SND1: variants seen among roughly 807,000 people sequenced by gnomAD.
SND1 encodes staphylococcal nuclease domain-containing protein 1.
SND1 carries 38 observed loss-of-function variants against 121.7 expected under a neutral mutation model. The observed-to-expected ratio is 0.31, with a 90% CI of 0.24 to 0.41. SND1 has a LOEUF of 0.41. Ranked by LOEUF, SND1 falls within the 10% of genes least tolerant of loss-of-function variation. The pLI is 1.00. For missense variants in SND1, 868 were observed against 1,184.6 expected (o/e 0.73, Z 3.92); for synonymous variants, 401 against 447.4 (o/e 0.90, Z 1.31).
chr7:127,795,547 T>C (rs115198854), intron 10 of SND1, among the ~76,000 whole-genome samples: 1 of 152,334 alleles, frequency 6.6e-6, no homozygotes, highest in African/African-American at 2.4e-5. Context: ...ATTATATGTG[T>C]TCTGTAAGGA....
At chr7:127,970,036 G>A (rs902931768) in intron 15 of SND1, among the ~76,000 whole-genome samples, 1 of 152,130 alleles carries the variant, frequency 6.6e-6, no homozygotes, top group Admixed American at 6.5e-5. Context: ...AGTCATTATT[G>A]TTATGTGAGT....
At chr7:127,842,543 A>C (rs1464301753) in intron 11 of SND1, among the ~76,000 whole-genome samples, 1 of 151,902 alleles carries the variant, frequency 6.6e-6, no homozygotes, top group Non-Finnish European at 1.5e-5. Flanking sequence ...TATCTCCCCT[A>C]CCTGCACACT....
intron 11 of SND1, among the ~76,000 whole-genome samples, chr7:127,839,376 C>G (rs1798924239): frequency 6.6e-6 from 1 of 152,148 alleles, no homozygotes; most frequent in South Asian, 2.1e-4. Flanking sequence ...CGTAACAGCT[C>G]TAGTTATATT....
chr7:128,092,308 G>T lies in SND1; in HGVS notation c.*250G>T. 1 of 483,392 alleles carries T rather than the reference G, an allele frequency of 2.1e-6. No homozygotes were observed. Among genetic ancestry groups the T allele is most frequent in the Non-Finnish European group, 3.7e-6 (1 of 273,238 alleles). 29.9% of individuals were successfully genotyped at this position (483,392 alleles called of 1,614,324 possible). ...CAGTCTCTGCCAGTTGGTTTTATTT[G>T]GAGGTTTGTGGGCTTTTTTTAAAAA... On this transcript the variant is annotated 3_prime_UTR_variant, in exon 24 of 24. Transcript: ENST00000354725. This position sits in a 1 kb window ranked among gnomAD's most constrained non-coding sequence, Gnocchi z 4.9.
intron 2 of SND1, among the ~76,000 whole-genome samples, chr7:127,691,404 C>T (rs554474567): frequency 2.2e-4 from 34 of 151,532 alleles, no homozygotes; most frequent in Admixed American, 9.8e-4. Flanking sequence ...ATTAACCGGG[C>T]GTGGTGGCAT....
At chr7:127,840,211 A>G (rs1315242833) in intron 11 of SND1, among the ~76,000 whole-genome samples, 6 of 152,214 alleles carry the variant, frequency 3.9e-5, no homozygotes, top group African/African-American at 1.4e-4. Flanking sequence ...AGAAAACAGT[A>G]TATAGTACCC....
chr7:127,941,996 C>A (rs1801222047), intron 15 of SND1, among the ~76,000 whole-genome samples: 1 of 148,568 alleles, frequency 6.7e-6, no homozygotes, highest in Admixed American at 6.8e-5. Context: ...TCAAAATAGG[C>A]ATATTGCGTA....
At position 127,795,965 on chromosome 7, in the gene SND1, G is replaced by C. The variant is rs931461419; in HGVS notation, c.1153-11519G>C. Among the ~76,000 whole-genome samples, 7 of 151,956 alleles carry C rather than the reference G, an allele frequency of 4.6e-5. No homozygotes were observed. The South Asian group carries it at 6.2e-4, about 14-fold the overall frequency. On this transcript the variant is annotated intron_variant, in intron 10 of 23. Transcript: ENST00000354725. The stretch of plus-strand genomic sequence containing the variant: ...CTCCGCCTCCCGGGTTCACGCCATT[G>C]TCCTGCCTCAGCCTCCCTAGTAGCT...
intron 14 of SND1, among the ~76,000 whole-genome samples, chr7:127,926,718 ATTT>A (rs202201479): frequency 0.043 from 3,062 of 71,854 alleles, 51 homozygotes; most frequent in Middle Eastern, 0.073. Flanking sequence ...ACACCCGGCT[ATTT>A]TGTTGTTGTT....
Position 127,809,596 on chromosome 7 carries a change from G to T in SND1, c.1242+2023G>T, listed in dbSNP as rs2116580259. ...GCAGCTGTTCAGCATGGCACATGGT[G>T]ATTAAGAGGCACCACGAGGGAGCAT... On this transcript the variant is annotated intron_variant, in intron 11 of 23. Coordinates refer to ENST00000354725, the MANE Select transcript of SND1 (RefSeq NM_014390.4). Among the ~76,000 whole-genome samples, 3 of 152,306 alleles carry T rather than the reference G, an allele frequency of 2.0e-5. No homozygotes were observed. The South Asian group carries it at 6.2e-4, about 32-fold the overall frequency.
intron 14 of SND1, among the ~76,000 whole-genome samples, chr7:127,926,718 ATTTTGTTGTTGT>A (rs1479747200): frequency 1.1e-4 from 8 of 72,126 alleles, no homozygotes; most frequent in African/African-American, 2.2e-4. Context: ...ACACCCGGCT[ATTTTGTTGTTGT>A]TGTTGTTGTT....
At chr7:127,875,634 A>G (rs1051214038) in intron 12 of SND1, among the ~76,000 whole-genome samples, 1 of 152,162 alleles carries the variant, frequency 6.6e-6, no homozygotes, top group Admixed American at 6.5e-5. Flanking sequence ...AAATGATTAC[A>G]TGTGGCAAGG....
intron 13 of SND1, among the ~76,000 whole-genome samples, chr7:127,897,608 T>C (rs117556463): frequency 3.0e-3 from 450 of 152,168 alleles, no homozygotes; most frequent in Non-Finnish European, 3.8e-3. Flanking sequence ...TTTGCCTTGG[T>C]AAAGGGAGAT....
chr7:127,665,529 A>G (rs1481838504), intron 1 of SND1, among the ~76,000 whole-genome samples: 1 of 152,188 alleles, frequency 6.6e-6, no homozygotes, highest in Non-Finnish European at 1.5e-5. Context: ...TTATTTCTAA[A>G]GGCAACTTAA....
chr7:128,008,866 A>AT (rs1803047005), intron 16 of SND1, among the ~76,000 whole-genome samples: 1 of 152,090 alleles, frequency 6.6e-6, no homozygotes, highest in South Asian at 2.1e-4. Context: ...ATTAACTCTG[A>AT]TTTTTTTCCC....
At chr7:127,688,339 G>C (rs1313824092) in intron 2 of SND1, among the ~76,000 whole-genome samples, 1 of 151,988 alleles carries the variant, frequency 6.6e-6, no homozygotes, top group Non-Finnish European at 1.5e-5. Flanking sequence ...ATTTGGCATT[G>C]TTTAGTCTTT....
chr7:127,994,576 AAAAAAAAAAC>A (rs1584723379), intron 16 of SND1, among the ~76,000 whole-genome samples: 1 of 148,458 alleles, frequency 6.7e-6, no homozygotes, highest in Admixed American at 6.8e-5. Flanking sequence ...AAAAAAAAAA[AAAAAAAAAAC>A]AGTAAATTCA....
chr7:127,853,487 A>G (rs544851769), intron 12 of SND1, among the ~76,000 whole-genome samples: 6 of 152,312 alleles, frequency 3.9e-5, no homozygotes, highest in African/African-American at 1.4e-4. Flanking sequence ...AGTAATTGGA[A>G]GAACTGTGAA....
intron 3 of SND1, among the ~76,000 whole-genome samples, chr7:127,697,969 TC>T (rs1395289543): frequency 4.6e-5 from 7 of 152,290 alleles, no homozygotes; most frequent in Admixed American, 1.3e-4. Context: ...ATAGATGTCT[TC>T]CTTTATGGTT....
Sources: gnomAD v4.1 joint callset for allele counts (sites outside exome capture counted in the v4.1 genomes callset) on GRCh38, gnomAD v4.1.1 for gene constraint, Gnocchi (gnomAD v3.1) non-coding constraint, MANE v1.5 for transcripts, NCBI Gene and HGNC (gene_info 2026-07-23, HGNC 2026-07-21) for gene names.